Variants in FHIT observed in about 807,000 individuals in gnomAD.
FHIT encodes fragile histidine triad diadenosine triphosphatase, also known as bis(5'-adenosyl)-triphosphatase.
FHIT carries 19 observed loss-of-function variants against 17.9 expected under a neutral mutation model. The ratio of observed to expected loss-of-function variants is 1.06; its 90% CI spans 0.74 to 1.56. FHIT has a LOEUF of 1.56. FHIT is among the 40% of genes most tolerant of loss of function. FHIT has a pLI of 0.00. For synonymous variants in FHIT, 81 were observed against 69.7 expected (o/e 1.16, Z -0.81); for missense variants, 248 against 189.2 (o/e 1.31, Z -1.82).
chr3:59,879,192 A>T (rs58123829), intron 8 of FHIT, among the ~76,000 whole-genome samples: 2 of 152,198 alleles, frequency 1.3e-5, no homozygotes, highest in African/African-American at 4.8e-5. Context: ...TATCTTTCTC[A>T]TCTCTCTGTG....
At chr3:60,073,565 C>T (rs1182455464) in intron 5 of FHIT, among the ~76,000 whole-genome samples, 4 of 152,102 alleles carry the variant, frequency 2.6e-5, no homozygotes, top group Non-Finnish European at 4.4e-5. Flanking sequence ...AAAAGAGACG[C>T]TGATATTAAT....
At chr3:60,468,737 T>G (rs2032929480) in intron 5 of FHIT, among the ~76,000 whole-genome samples, 2 of 152,154 alleles carry the variant, frequency 1.3e-5, no homozygotes, top group African/African-American at 4.8e-5. Flanking sequence ...GTTATGATAT[T>G]CTTTATTTTT....
In FHIT at chr3:59,747,595, C is replaced by T. The variant is rs1410626523; in HGVS notation, c.*1990G>A. On this transcript the variant is annotated 3_prime_UTR_variant, in exon 10 of 10. Transcript: ENST00000492590. ...ATTAAGTCAAGAACATCTTTTTGGTCTTATAGTCTTTATTCTTATATAGGG... is the reference window on the plus strand; with the variant it reads ...ATTAAGTCAAGAACATCTTTTTGGTTTTATAGTCTTTATTCTTATATAGGG... Among the ~76,000 whole-genome samples the T allele has an allele frequency of 6.6e-6, 1 of 152,030 alleles. No individual in the cohort carries two copies. The highest frequency in any genetic ancestry group is 2.4e-5 in the African/African-American group (1 of 41,410).
chr3:59,800,666 C>T (rs1443052776), intron 8 of FHIT, among the ~76,000 whole-genome samples: 2 of 152,190 alleles, frequency 1.3e-5, no homozygotes, highest in Non-Finnish European at 2.9e-5. Context: ...TTTCTTGGGC[C>T]ACTGGTGAAG....
intron 5 of FHIT, among the ~76,000 whole-genome samples, chr3:60,213,629 A>G (rs763210757): frequency 1.3e-5 from 2 of 152,178 alleles, no homozygotes; most frequent in African/African-American, 2.4e-5. Flanking sequence ...GGCCTCTCAA[A>G]TATTTTTGGC....
intron 8 of FHIT, among the ~76,000 whole-genome samples, chr3:59,909,976 C>A (rs1704789335): frequency 6.6e-6 from 1 of 152,032 alleles, no homozygotes. Flanking sequence ...CCATTCCATT[C>A]TCCATTTATA....
chr3:61,024,143 T>G (rs553848896), intron 3 of FHIT, among the ~76,000 whole-genome samples: 1 of 152,252 alleles, frequency 6.6e-6, no homozygotes, highest in Admixed American at 6.5e-5. Flanking sequence ...GAGAGTTATA[T>G]TCTTGTTACC....
At chr3:60,407,779 A>C (rs1701925920) in intron 5 of FHIT, among the ~76,000 whole-genome samples, 1 of 152,162 alleles carries the variant, frequency 6.6e-6, no homozygotes, top group Non-Finnish European at 1.5e-5. Context: ...GGGCTCCCAA[A>C]GTGTTGGGAT....
intron 3 of FHIT, among the ~76,000 whole-genome samples, chr3:60,845,020 ACTACTT>A (rs1702876961): frequency 6.6e-6 from 1 of 152,034 alleles, no homozygotes; most frequent in African/African-American, 2.4e-5. Flanking sequence ...TTTGGCTTCT[ACTACTT>A]CTATTTATTA....
At chr3:60,969,777 A>G (rs1480407131) in intron 3 of FHIT, among the ~76,000 whole-genome samples, 1 of 152,174 alleles carries the variant, frequency 6.6e-6, no homozygotes, top group Non-Finnish European at 1.5e-5. Flanking sequence ...TTAAAAATGT[A>G]TATGCTTATT....
At chr3:60,753,544 A>G (rs1012025203) in intron 4 of FHIT, among the ~76,000 whole-genome samples, 11 of 152,248 alleles carry the variant, frequency 7.2e-5, no homozygotes, top group African/African-American at 2.7e-4. Context: ...TATTACATTA[A>G]GCAATATTCT....
intron 5 of FHIT, among the ~76,000 whole-genome samples, chr3:60,278,852 A>G (rs1286480437): frequency 6.6e-6 from 1 of 152,182 alleles, no homozygotes. Flanking sequence ...AAATGAAAAT[A>G]GAGCTTAGCA....
At chr3:60,568,971 A>G (rs1446037249) in intron 4 of FHIT, among the ~76,000 whole-genome samples, 2 of 116,028 alleles carry the variant, frequency 1.7e-5, no homozygotes, top group African/African-American at 7.2e-5. Flanking sequence ...TCATTATGCT[A>G]GAGATTCTTT....
intron 5 of FHIT, among the ~76,000 whole-genome samples, chr3:60,408,403 CACA>C (rs1701951193): frequency 6.6e-6 from 1 of 152,090 alleles, no homozygotes; most frequent in African/African-American, 2.4e-5. Context: ...TACCTGCGTC[CACA>C]ACATTAACAT....
At chr3:60,766,354 C>G (rs782656018) in intron 4 of FHIT, among the ~76,000 whole-genome samples, 1 of 152,200 alleles carries the variant, frequency 6.6e-6, no homozygotes, top group Non-Finnish European at 1.5e-5. Context: ...ATGGCTCTAA[C>G]ACCCAATCTG....
intron 5 of FHIT, among the ~76,000 whole-genome samples, chr3:60,255,207 G>GC (rs1230666300): frequency 6.6e-6 from 1 of 152,018 alleles, no homozygotes; most frequent in Non-Finnish European, 1.5e-5. Flanking sequence ...TGGCATGTTT[G>GC]TTTTTCTCAC....
intron 7 of FHIT, among the ~76,000 whole-genome samples, chr3:59,952,390 T>C (rs549454644): frequency 3.3e-5 from 5 of 152,034 alleles, no homozygotes; most frequent in East Asian, 1.9e-4. Context: ...CATGCAGACA[T>C]CTCCCCACTC....
chr3:61,058,942 T>C (rs1314234585), intron 2 of FHIT, among the ~76,000 whole-genome samples: 1 of 152,172 alleles, frequency 6.6e-6, no homozygotes, highest in African/African-American at 2.4e-5. Context: ...GTCTAGAATC[T>C]ACCTTCTTAA....
In FHIT at chr3:59,750,576, C is replaced by T. The variant is rs762034483; in HGVS notation, c.*6-997G>A. 7.4e-4 allele frequency: 167 copies of T among 225,278 alleles called. 1 individual carries two copies. The highest frequency in any genetic ancestry group is 1.0e-3 in the Non-Finnish European group (113 of 113,066). 14.0% of individuals were successfully genotyped at this position (225,278 alleles called of 1,614,324 possible). A position where few individuals can be genotyped will look rare whatever the true frequency, so the allele number is the denominator to read the frequency against. Reference sequence around the variant, plus strand: ...ATATGAAAGACAGCCTCTGTTATAGCACTTGCCATATCCCCCCAGGCAACT... The same window carrying T: ...ATATGAAAGACAGCCTCTGTTATAGTACTTGCCATATCCCCCCAGGCAACT... On this transcript the variant is annotated intron_variant, in intron 9 of 9. Transcript: ENST00000492590.
Sources: allele counts gnomAD v4.1 joint callset (sites outside exome capture counted in the v4.1 genomes callset), GRCh38; gene constraint gnomAD v4.1.1; transcripts MANE v1.5; gene names NCBI Gene and HGNC (gene_info 2026-07-23, HGNC 2026-07-21).